Variants in PTPRD observed in about 807,000 individuals in gnomAD.
The protein encoded by PTPRD is receptor-type tyrosine-protein phosphatase delta.
A neutral mutation model predicts 214.5 loss-of-function variants in PTPRD; 34 were observed. The ratio of observed to expected loss-of-function variants is 0.16; its 90% CI spans 0.12 to 0.21. The LOEUF (loss-of-function observed/expected upper bound fraction) is 0.21. Ranked by LOEUF, PTPRD falls within the 10% of genes least tolerant of loss-of-function variation. The pLI, the probability that PTPRD is intolerant of heterozygous loss-of-function variation, is 1.00. For missense variants in PTPRD, 2,545 were observed against 2,398.7 expected (o/e 1.06, Z -1.27); for synonymous variants, 1,128 against 845.7 (o/e 1.33, Z -5.79).
At chr9:9,214,557 T>C (rs1441743177) in intron 9 of PTPRD, among the ~76,000 whole-genome samples, 1 of 151,998 alleles carries the variant, frequency 6.6e-6, no homozygotes, top group Non-Finnish European at 1.5e-5. Context: ...TATTAGAGCT[T>C]CTCAATGAGG....
At chr9:8,321,475 GTGTGTGTGTGTGTATATATATATA>G (rs1241829346) in intron 44 of PTPRD, among the ~76,000 whole-genome samples, 127 of 100,002 alleles carry the variant, frequency 1.3e-3, no homozygotes, top group African/African-American at 4.8e-3. Flanking sequence ...GTGTGTGTGT[GTGTGTGTGTGTGTATATATATATA>G]TATATATATA....
At chr9:10,589,479 T>C (rs1363187399) in intron 2 of PTPRD, among the ~76,000 whole-genome samples, 1 of 151,976 alleles carries the variant, frequency 6.6e-6, no homozygotes, top group Non-Finnish European at 1.5e-5. Flanking sequence ...GAAGAAGCTG[T>C]TTCAATAAAT....
At chr9:10,244,475 A>G (rs1288779826) in intron 3 of PTPRD, among the ~76,000 whole-genome samples, 2 of 152,138 alleles carry the variant, frequency 1.3e-5, no homozygotes, top group African/African-American at 4.8e-5. Context: ...TTCTGTGGAC[A>G]CTGAAGAGAT....
intron 11 of PTPRD, among the ~76,000 whole-genome samples, chr9:9,005,573 C>A (rs773554148): frequency 1.3e-5 from 2 of 152,002 alleles, no homozygotes; most frequent in African/African-American, 4.8e-5. Flanking sequence ...TCTTCTGATC[C>A]TTTTGGTTAA....
intron 29 of PTPRD, 80 bp downstream of exon 29, chr9:8,485,147 T>A (rs2096972144): frequency 5.0e-6 from 6 of 1,204,448 alleles, no homozygotes; most frequent in Non-Finnish European, 6.0e-6. Context: ...GTGGTCTGCT[T>A]GCTGTGCAAA....
intron 5 of PTPRD, among the ~76,000 whole-genome samples, chr9:9,832,362 T>C (rs79774170): frequency 0.017 from 2,525 of 152,112 alleles, 60 homozygotes; most frequent in African/African-American, 0.058. Context: ...TATGTAACTG[T>C]GTATTTTTCA....
At chr9:9,031,548 TA>T (rs2099605500) in intron 10 of PTPRD, among the ~76,000 whole-genome samples, 1 of 152,070 alleles carries the variant, frequency 6.6e-6, no homozygotes, top group African/African-American at 2.4e-5. Flanking sequence ...CACTATGACA[TA>T]ATGGTGACTA....
intron 35 of PTPRD, among the ~76,000 whole-genome samples, chr9:8,406,060 T>C (rs2092944822): frequency 6.6e-6 from 1 of 152,128 alleles, no homozygotes. Flanking sequence ...TCTTAGCCTG[T>C]GTTAATCTAT....
chr9:8,606,126 C>G (rs1404811343), intron 14 of PTPRD, among the ~76,000 whole-genome samples: 2 of 152,040 alleles, frequency 1.3e-5, no homozygotes, highest in Admixed American at 1.3e-4. Context: ...GAAGGCATGT[C>G]TCCAGGAATT....
At chr9:10,306,283 G>GC (rs2096065824) in intron 3 of PTPRD, among the ~76,000 whole-genome samples, 1 of 151,554 alleles carries the variant, frequency 6.6e-6, no homozygotes. Context: ...GGGGTGGGGG[G>GC]GGCTAGGGGA....
intron 12 of PTPRD, among the ~76,000 whole-genome samples, chr9:8,724,233 T>G (rs2098533569): frequency 6.6e-6 from 1 of 152,222 alleles, no homozygotes; most frequent in Admixed American, 6.5e-5. Context: ...AAGGATTACT[T>G]ATAAGGTACT....
intron 6 of PTPRD, among the ~76,000 whole-genome samples, chr9:9,754,469 C>G (rs1388148912): frequency 1.3e-5 from 2 of 152,060 alleles, no homozygotes; most frequent in Non-Finnish European, 2.9e-5. Flanking sequence ...GTGATTCCAT[C>G]TCTCTGCAAA....
intron 14 of PTPRD, among the ~76,000 whole-genome samples, chr9:8,568,430 C>T (rs1210991582): frequency 6.6e-6 from 1 of 152,096 alleles, no homozygotes; most frequent in Non-Finnish European, 1.5e-5. Flanking sequence ...CCTTTCATTC[C>T]TATTACTCCT....
At chr9:8,693,318 C>T (rs907990418) in intron 12 of PTPRD, among the ~76,000 whole-genome samples, 19 of 152,188 alleles carry the variant, frequency 1.2e-4, no homozygotes, top group African/African-American at 4.1e-4. Flanking sequence ...AACTCCCACA[C>T]GGGATCATTC....
At chr9:8,362,827 A>C (rs1253484925) in intron 39 of PTPRD, among the ~76,000 whole-genome samples, 3 of 152,230 alleles carry the variant, frequency 2.0e-5, no homozygotes, top group Non-Finnish European at 4.4e-5. Flanking sequence ...ACAAGATCAT[A>C]CAGTTTTATC....
intron 11 of PTPRD, among the ~76,000 whole-genome samples, chr9:8,972,673 A>C (rs2099245698): frequency 6.6e-6 from 1 of 151,924 alleles, no homozygotes; most frequent in Admixed American, 6.6e-5. Context: ...GATGCAAAGG[A>C]TTTCCTTTTT....
At chr9:9,286,464 C>T (rs996178996) in intron 9 of PTPRD, among the ~76,000 whole-genome samples, 1 of 151,796 alleles carries the variant, frequency 6.6e-6, no homozygotes, top group African/African-American at 2.4e-5. Flanking sequence ...AATCTCCAAT[C>T]ATTTTGTAAT....
intron 5 of PTPRD, among the ~76,000 whole-genome samples, chr9:9,800,394 A>T (rs10977993): frequency 0.24 from 36,107 of 152,138 alleles, 4,622 homozygotes; most frequent in Non-Finnish European, 0.29. Context: ...TTAATATTTC[A>T]TAAATGTATA....
chr9:9,293,841 A>C (rs1952060035), intron 9 of PTPRD, among the ~76,000 whole-genome samples: 1 of 151,688 alleles, frequency 6.6e-6, no homozygotes, highest in Non-Finnish European at 1.5e-5. Context: ...TAAAATTAAC[A>C]CTAATTTCCT....
Sources: allele counts gnomAD v4.1 joint callset (sites outside exome capture counted in the v4.1 genomes callset), GRCh38; gene constraint gnomAD v4.1.1; transcripts MANE v1.5; gene names NCBI Gene and HGNC (gene_info 2026-07-23, HGNC 2026-07-21).